RBM47: variants seen among roughly 807,000 people sequenced by gnomAD.
The protein encoded by RBM47 is RNA binding motif protein 47, also known as RNA-binding protein 47.
In RBM47, 21 loss-of-function variants were observed where a neutral mutation model predicts 47.1. The ratio of observed to expected loss-of-function variants is 0.45; its 90% CI spans 0.32 to 0.64. RBM47 has a LOEUF of 0.64. Ranked by LOEUF, RBM47 falls within the 30% of genes least tolerant of loss-of-function variation. The probability of loss-of-function intolerance (pLI) is 0.05; values close to 1 mark genes in which losing one functional copy is unlikely to be tolerated. For missense variants in RBM47, 708 were observed against 870.9 expected (o/e 0.81, Z 2.35); for synonymous variants, 375 against 361.7 (o/e 1.04, Z -0.42).
chr4:40,554,230 T>C (rs906002856), intron 1 of RBM47, among the ~76,000 whole-genome samples: 1 of 152,068 alleles, frequency 6.6e-6, no homozygotes. Flanking sequence ...GAGAACCATT[T>C]CCAGTCACTT....
chr4:40,551,238 A>G (rs1729533588), intron 1 of RBM47, among the ~76,000 whole-genome samples: 1 of 152,290 alleles, frequency 6.6e-6, no homozygotes, highest in South Asian at 2.1e-4. Flanking sequence ...CACAAAATAC[A>G]TATGGTTCGA....
intron 2 of RBM47, among the ~76,000 whole-genome samples, chr4:40,509,577 A>G (rs1724588769): frequency 6.6e-6 from 1 of 152,182 alleles, no homozygotes; most frequent in Non-Finnish European, 1.5e-5. Flanking sequence ...TCTCTATAAA[A>G]TTTTTAAAAA....
intron 2 of RBM47, among the ~76,000 whole-genome samples, chr4:40,471,092 C>T (rs539141389): frequency 1.3e-5 from 2 of 152,142 alleles, no homozygotes; most frequent in Non-Finnish European, 2.9e-5. Flanking sequence ...GATGCTAGTA[C>T]ATGGGGTCCT....
chr4:40,447,461 T>C (rs1241913168), intron 3 of RBM47, among the ~76,000 whole-genome samples: 2 of 152,222 alleles, frequency 1.3e-5, no homozygotes, highest in Non-Finnish European at 2.9e-5. Context: ...CATTAGGATT[T>C]TAACTTTGAA....
At chr4:40,509,371 T>C (rs16852290) in intron 2 of RBM47, among the ~76,000 whole-genome samples, 4,921 of 152,188 alleles carry the variant, frequency 0.032, 232 homozygotes, top group African/African-American at 0.1. Context: ...TCTAAAATGA[T>C]TTGTACCCTC....
At chr4:40,478,519 A>G (rs1358946632) in intron 2 of RBM47, among the ~76,000 whole-genome samples, 1 of 152,216 alleles carries the variant, frequency 6.6e-6, no homozygotes, top group East Asian at 1.9e-4. Flanking sequence ...AGATTTGGAA[A>G]AAGGGGTAAG....
chr4:40,535,641 A>T (rs1577907106), intron 2 of RBM47, among the ~76,000 whole-genome samples: 1 of 148,334 alleles, frequency 6.7e-6, no homozygotes, highest in African/African-American at 2.5e-5. Flanking sequence ...GCTCACTGCA[A>T]CCTCCACCTC....
intron 1 of RBM47, among the ~76,000 whole-genome samples, chr4:40,595,972 T>A (rs1344730172): frequency 2.0e-5 from 3 of 152,064 alleles, no homozygotes; most frequent in Admixed American, 1.3e-4. Context: ...CATGTATCTA[T>A]CTGCAGCCAG....
intron 2 of RBM47, among the ~76,000 whole-genome samples, chr4:40,479,198 T>C (rs1431209089): frequency 6.6e-6 from 1 of 152,224 alleles, no homozygotes; most frequent in Non-Finnish European, 1.5e-5. Context: ...TATCCTATTA[T>C]AGCATCAACA....
At chr4:40,484,910 T>C (rs759112493) in intron 2 of RBM47, among the ~76,000 whole-genome samples, 2 of 152,248 alleles carry the variant, frequency 1.3e-5, no homozygotes, top group African/African-American at 2.4e-5. Context: ...TGATTCCTGT[T>C]TCATCACAAC....
At chr4:40,600,880 G>C (rs367715723) in intron 1 of RBM47, among the ~76,000 whole-genome samples, 132 of 149,672 alleles carry the variant, frequency 8.8e-4, no homozygotes, top group African/African-American at 3.0e-3. Context: ...AGCTACTCAG[G>C]AGGCTGAGGG....
At position 40,526,757 on chromosome 4, in the gene RBM47, C is replaced by T. The variant is rs1577885096; in HGVS notation, c.-155+17665G>A. Among the ~76,000 whole-genome samples the T allele has an allele frequency of 3.5e-5, 5 of 142,046 alleles. No individual in the cohort carries two copies. The East Asian group carries it at 1.0e-3, about 29-fold the overall frequency. 93.2% of individuals were successfully genotyped at this position (142,046 alleles called of 152,430 possible). On this transcript the variant is annotated intron_variant, in intron 2 of 6. Transcript: ENST00000295971. The stretch of plus-strand genomic sequence containing the variant: ...CTAATTTTTTTATTTTATGTAGAGA[C>T]AGGGTCTCTCACTGTGCTGCCCAGT...
intron 3 of RBM47, among the ~76,000 whole-genome samples, chr4:40,461,348 C>T (rs532818008): frequency 3.9e-5 from 6 of 152,116 alleles, no homozygotes; most frequent in Non-Finnish European, 8.8e-5. Flanking sequence ...GGATATTCTT[C>T]GAGTTAATAA....
chr4:40,571,263 T>A (rs1307091337), intron 1 of RBM47, among the ~76,000 whole-genome samples: 2 of 151,974 alleles, frequency 1.3e-5, no homozygotes, highest in East Asian at 3.9e-4. Flanking sequence ...ACATAAGTAG[T>A]CAAAACAATG....
intron 2 of RBM47, among the ~76,000 whole-genome samples, chr4:40,494,313 C>A (rs1393912261): frequency 6.6e-6 from 1 of 152,178 alleles, no homozygotes; most frequent in Non-Finnish European, 1.5e-5. Context: ...CCCTTCTGAT[C>A]AGACCTTTCC....
At chr4:40,498,922 G>A (rs1473995274) in intron 2 of RBM47, among the ~76,000 whole-genome samples, 2 of 152,008 alleles carry the variant, frequency 1.3e-5, no homozygotes, top group African/African-American at 4.8e-5. Context: ...GCACATGCCT[G>A]TAATCCCAGC....
At chr4:40,466,254 T>C (rs1577704669) in intron 3 of RBM47, among the ~76,000 whole-genome samples, 1 of 122,940 alleles carries the variant, frequency 8.1e-6, no homozygotes, top group Non-Finnish European at 1.6e-5. Flanking sequence ...GGTAACAGAG[T>C]GAGACTGTCT....
At position 40,628,702 on chromosome 4, in the gene RBM47, GC is replaced by G. The variant is rs544319772; in HGVS notation, c.-240+693del. Reference sequence around the variant, plus strand: ...TGATTTTTAGTTCAGGTCGGTAATGGCCTGTAAGTACCTTGAAGATGGTATC... The same window carrying G: ...TGATTTTTAGTTCAGGTCGGTAATGGCTGTAAGTACCTTGAAGATGGTATC... On this transcript the variant is annotated intron_variant, in intron 1 of 6. Coordinates refer to ENST00000295971, the MANE Select transcript of RBM47 (RefSeq NM_001098634.2). The surrounding 1 kb of genome is among the most constrained non-coding windows in gnomAD (Gnocchi z 4.0). Among the ~76,000 whole-genome samples, 22 of 152,266 alleles carry G rather than the reference GC, an allele frequency of 1.4e-4. No homozygotes were observed. In the East Asian group the frequency reaches 3.9e-3, roughly 27 times the overall value.
At chr4:40,585,113 A>G (rs1560487355) in intron 1 of RBM47, among the ~76,000 whole-genome samples, 1 of 152,232 alleles carries the variant, frequency 6.6e-6, no homozygotes, top group Non-Finnish European at 1.5e-5. Flanking sequence ...GTGAATACCT[A>G]GTCCATGTGA....
Sources: gnomAD v4.1 joint callset for allele counts (sites outside exome capture counted in the v4.1 genomes callset) on GRCh38, gnomAD v4.1.1 for gene constraint, Gnocchi (gnomAD v3.1) non-coding constraint, MANE v1.5 for transcripts, NCBI Gene and HGNC (gene_info 2026-07-23, HGNC 2026-07-21) for gene names.